NOS1AP: variants seen among roughly 807,000 people sequenced by gnomAD.
NOS1AP encodes the protein nitric oxide synthase 1 adaptor protein.
A neutral mutation model predicts 56.2 loss-of-function variants in NOS1AP; 21 were observed. The ratio of observed to expected loss-of-function variants is 0.37; its 90% CI spans 0.26 to 0.54. The LOEUF (loss-of-function observed/expected upper bound fraction) is 0.54, where lower values mean the gene tolerates loss of function less well. Among genes scored for constraint, NOS1AP ranks in the 20% least tolerant of loss-of-function variants. NOS1AP has a pLI of 0.84. For missense variants in NOS1AP, 522 were observed against 657.8 expected, an observed-to-expected ratio of 0.79 and a Z score of 2.26; for synonymous variants, 270 against 274.6, an observed-to-expected ratio of 0.98 and a Z score of 0.17.
chr1:162,292,403 A>T (rs1326067351), intron 3 of NOS1AP, among the ~76,000 whole-genome samples: 1 of 152,256 alleles, frequency 6.6e-6, no homozygotes, highest in African/African-American at 2.4e-5. Flanking sequence ...GTAATAGCTA[A>T]CACTGATGTG....
rs1373219077 is a variant in NOS1AP at position 162,367,226 on chromosome 1, A to G, written c.1280A>G (p.Lys427Arg). Reference sequence around the variant, plus strand: ...TTAGGTAGGCGCGACTGCTTGGTGAAGCTGGAGTGCTTTCGCTTTCTTCCG... The same window carrying G: ...TTAGGTAGGCGCGACTGCTTGGTGAGGCTGGAGTGCTTTCGCTTTCTTCCG... ...SPLGRRDCLV[K>R]LECFRFLPPE... is the part of the protein sequence containing the mutation. The change falls in exon 10 of 10, where the codon AAG becomes AGG. Residue 427 changes from lysine (K) to arginine (R), a missense_variant. Coordinates refer to ENST00000361897, the MANE Select transcript of NOS1AP (RefSeq NM_014697.3). The surrounding 1 kb of genome is among the most constrained non-coding windows in gnomAD (Gnocchi z 6.5). 1.2e-6 allele frequency: 2 copies of G among 1,613,836 alleles called. No individual in the cohort carries two copies. Among genetic ancestry groups the G allele is most frequent in the African/African-American group, 2.7e-5 (2 of 74,948 alleles).
intron 1 of NOS1AP, among the ~76,000 whole-genome samples, chr1:162,099,685 G>A (rs1692335586): frequency 6.6e-6 from 1 of 151,990 alleles, no homozygotes; most frequent in Non-Finnish European, 1.5e-5. Flanking sequence ...ACAACGTGCA[G>A]GTTTGTTACA....
At chr1:162,119,279 C>G (rs1482778864) in intron 1 of NOS1AP, among the ~76,000 whole-genome samples, 1 of 152,128 alleles carries the variant, frequency 6.6e-6, no homozygotes, top group East Asian at 1.9e-4. Flanking sequence ...AGAGTCTTTA[C>G]TTTCCTCCAG....
intron 1 of NOS1AP, among the ~76,000 whole-genome samples, chr1:162,083,264 G>A (rs1021773964): frequency 2.0e-5 from 3 of 152,176 alleles, no homozygotes; most frequent in Non-Finnish European, 4.4e-5. Context: ...GTGGGAAGAA[G>A]CACTCGTGTA....
chr1:162,138,872 G>C (rs1179374472), intron 1 of NOS1AP, among the ~76,000 whole-genome samples: 1 of 152,174 alleles, frequency 6.6e-6, no homozygotes, highest in Non-Finnish European at 1.5e-5. Flanking sequence ...AGCCAGAGCA[G>C]GGGTTCACAC....
chr1:162,189,593 C>T (rs1014189575), intron 2 of NOS1AP, among the ~76,000 whole-genome samples: 3 of 152,164 alleles, frequency 2.0e-5, no homozygotes, highest in African/African-American at 4.8e-5. Context: ...ATAAGATAGG[C>T]GAGATCTCTC....
intron 2 of NOS1AP, among the ~76,000 whole-genome samples, chr1:162,271,605 A>C (rs1446544103): frequency 6.6e-6 from 1 of 152,246 alleles, no homozygotes; most frequent in South Asian, 2.1e-4. Flanking sequence ...TGGTTCTCAG[A>C]GCATGAGCTT....
chr1:162,313,933 T>G (rs767967760), intron 4 of NOS1AP, among the ~76,000 whole-genome samples: 11 of 152,160 alleles, frequency 7.2e-5, no homozygotes, highest in Non-Finnish European at 1.6e-4. Context: ...TGGTAACTCT[T>G]AGCATGAACT....
At chr1:162,214,450 C>T (rs1264728407) in intron 2 of NOS1AP, among the ~76,000 whole-genome samples, 3 of 152,160 alleles carry the variant, frequency 2.0e-5, no homozygotes, top group Non-Finnish European at 4.4e-5. Flanking sequence ...GTGGTAAAGG[C>T]TGTACACCCA....
At chr1:162,155,310 G>GTA (rs770493304) in intron 2 of NOS1AP, among the ~76,000 whole-genome samples, 24 of 141,178 alleles carry the variant, frequency 1.7e-4, no homozygotes, top group East Asian at 8.3e-4. Context: ...ATATGTATGT[G>GTA]TATATATATA....
At chr1:162,130,555 A>G (rs1037147360) in intron 1 of NOS1AP, among the ~76,000 whole-genome samples, 15 of 152,188 alleles carry the variant, frequency 9.9e-5, no homozygotes, top group African/African-American at 3.6e-4. Flanking sequence ...CCTCCCAAGA[A>G]TAGGAGGAAC....
chr1:162,190,356 T>A (rs936793355), intron 2 of NOS1AP, among the ~76,000 whole-genome samples: 3 of 151,396 alleles, frequency 2.0e-5, no homozygotes, highest in East Asian at 2.0e-4. Context: ...ACATTTTTTT[T>A]AAATTTTATT....
chr1:162,367,409 T>C lies in NOS1AP; in HGVS notation c.1463T>C (p.Leu488Pro). Residue 488 changes from leucine (L) to proline (P), a missense_variant, in exon 10 of 10, where the codon CTG becomes CCG. By Grantham distance (98) the Leu-to-Pro change is moderately conservative. Around this residue, in one of 4 missense-constraint regions of NOS1AP, gnomAD observed 160 missense variants for 180.3 expected, o/e 0.89. Transcript: ENST00000361897. The surrounding 1 kb of genome is among the most constrained non-coding windows in gnomAD (Gnocchi z 6.5). ...SWSQEELPRL[L>P]NVLQRQELGD... ...TCCCAGGAGGAGCTGCCGCGCCTGC[T>C]GAATGTCCTGCAGAGGCAGGAACTG... 1.3e-6 allele frequency: 2 copies of C among 1,595,426 alleles called. No homozygotes were observed. Among genetic ancestry groups the C allele is most frequent in the South Asian group, 1.1e-5 (1 of 89,312 alleles).
chr1:162,329,515 C>G (rs952713145), intron 4 of NOS1AP, among the ~76,000 whole-genome samples: 5 of 152,070 alleles, frequency 3.3e-5, no homozygotes, highest in African/African-American at 9.7e-5. Context: ...GACTAAGGTA[C>G]TTTTTGGAAG....
At chr1:162,198,901 A>T (rs923775067) in intron 2 of NOS1AP, among the ~76,000 whole-genome samples, 3 of 152,098 alleles carry the variant, frequency 2.0e-5, no homozygotes, top group Admixed American at 6.6e-5. Flanking sequence ...TCACCCAAGG[A>T]CTTGGGGCTT....
At chr1:162,206,182 G>A (rs6676737) in intron 2 of NOS1AP, among the ~76,000 whole-genome samples, 23,932 of 151,974 alleles carry the variant, frequency 0.16, 2,090 homozygotes, top group South Asian at 0.23. Flanking sequence ...GGCTGAAATA[G>A]CATAAAGGGA....
At chr1:162,225,385 G>C (rs1176424227) in intron 2 of NOS1AP, among the ~76,000 whole-genome samples, 1 of 152,122 alleles carries the variant, frequency 6.6e-6, no homozygotes, top group Non-Finnish European at 1.5e-5. Flanking sequence ...AGATGCTCCA[G>C]CCCCACTGTA....
At chr1:162,073,051 G>T (rs1009838269) in intron 1 of NOS1AP, among the ~76,000 whole-genome samples, 3 of 152,338 alleles carry the variant, frequency 2.0e-5, no homozygotes, top group Admixed American at 6.5e-5. Flanking sequence ...AGATTGAAAG[G>T]TGTGGGGTTA....
intron 1 of NOS1AP, among the ~76,000 whole-genome samples, chr1:162,073,072 G>A (rs1691692102): frequency 6.6e-6 from 1 of 152,196 alleles, no homozygotes. Context: ...GGATCGAAGG[G>A]CATCTGGGTG....
Sources: allele counts gnomAD v4.1 joint callset (sites outside exome capture counted in the v4.1 genomes callset), GRCh38; gene constraint gnomAD v4.1.1; regional missense constraint gnomAD v4.1.1; non-coding constraint Gnocchi (gnomAD v3.1); transcripts MANE v1.5; gene names NCBI Gene and HGNC (gene_info 2026-07-23, HGNC 2026-07-21).